The following DNAAF5 variants were observed in gnomAD, a reference collection of about 807,000 sequenced individuals.
DNAAF5 encodes the protein dynein axonemal assembly factor 5.
A neutral mutation model predicts 75.8 loss-of-function variants in DNAAF5; 64 were observed. The observed-to-expected ratio is 0.84, with a 90% CI of 0.69 to 1.04. The LOEUF (loss-of-function observed/expected upper bound fraction) is 1.04. Ranked by LOEUF, DNAAF5 falls within the 50% of genes least tolerant of loss-of-function variation. The pLI is 0.00. For synonymous variants in DNAAF5, 657 were observed against 557.2 expected, an observed-to-expected ratio of 1.18 and a Z score of -2.52; for missense variants, 1,269 against 1,178.5, an observed-to-expected ratio of 1.08 and a Z score of -1.12.
chr7:749,845 C>T (rs566988990), intron 4 of DNAAF5, among the ~76,000 whole-genome samples: 103 of 152,160 alleles, frequency 6.8e-4, no homozygotes, highest in South Asian at 2.1e-3. Flanking sequence ...ATTACAGACG[C>T]GCACCACCGC....
At chr7:766,050 A>T (rs936314284) in intron 8 of DNAAF5, among the ~76,000 whole-genome samples, 2 of 152,132 alleles carry the variant, frequency 1.3e-5, no homozygotes, top group African/African-American at 4.8e-5. Flanking sequence ...GCTGACCTCA[A>T]ACTCCTAGGC....
intron 8 of DNAAF5, among the ~76,000 whole-genome samples, chr7:766,138 C>A (rs1782813826): frequency 6.6e-6 from 1 of 152,226 alleles, no homozygotes; most frequent in Admixed American, 6.5e-5. Context: ...TTTAAAACTG[C>A]ATTTCCCAAT....
At chr7:782,622 G>A (rs182789922) in intron 12 of DNAAF5, among the ~76,000 whole-genome samples, 2 of 146,916 alleles carry the variant, frequency 1.4e-5, no homozygotes, top group African/African-American at 5.2e-5. Flanking sequence ...TCAGAAACTC[G>A]ATATTCCTGG....
In DNAAF5 at chr7:742,262, G is replaced by A. The variant is rs531596612; in HGVS notation, c.1024+797G>A. ...AAGTAAATAATAGATACGCACTGAC[G>A]AGGACAAAAAGTAGGTGAAGCGCAG... On this transcript the variant is annotated intron_variant, in intron 4 of 12. Coordinates refer to ENST00000297440, the MANE Select transcript of DNAAF5 (RefSeq NM_017802.4). Among the ~76,000 whole-genome samples the A allele has an allele frequency of 2.0e-5, 3 of 152,286 alleles. No homozygotes were observed. The East Asian group carries it at 5.8e-4, about 29-fold the overall frequency.
intron 6 of DNAAF5, among the ~76,000 whole-genome samples, chr7:760,109 C>T (rs931649681): frequency 2.0e-5 from 3 of 150,960 alleles, no homozygotes; most frequent in Non-Finnish European, 4.4e-5. Context: ...CGGGGCCGCG[C>T]GGCTCCTCCA....
chr7:746,722 C>T (rs971150396), intron 4 of DNAAF5, among the ~76,000 whole-genome samples: 9 of 151,564 alleles, frequency 5.9e-5, no homozygotes, highest in Admixed American at 2.6e-4. Flanking sequence ...GATAGCCCTT[C>T]CCCCGGGACC....
At chr7:779,732 G>T (rs560200898) in intron 11 of DNAAF5, among the ~76,000 whole-genome samples, 1 of 152,334 alleles carries the variant, frequency 6.6e-6, no homozygotes, top group Non-Finnish European at 1.5e-5. Context: ...CCGCAGCAGG[G>T]CCTGGGCCGC....
At chr7:775,237 A>G (rs1002425858) in intron 11 of DNAAF5, 75 bp downstream of exon 11, 44 of 1,383,902 alleles carry the variant, frequency 3.2e-5, no homozygotes, top group African/African-American at 4.3e-5. Context: ...GTTTGCATCC[A>G]TGGAGTCACC....
chr7:764,946 A>G (rs911031461), intron 8 of DNAAF5, among the ~76,000 whole-genome samples: 1 of 152,050 alleles, frequency 6.6e-6, no homozygotes. Flanking sequence ...CTCTGAATCT[A>G]AAATTTAAAA....
At chr7:766,457 A>G (rs1782824377) in intron 8 of DNAAF5, among the ~76,000 whole-genome samples, 1 of 152,242 alleles carries the variant, frequency 6.6e-6, no homozygotes, top group Admixed American at 6.5e-5. Context: ...ACATACAGAA[A>G]GGGATAATTT....
intron 3 of DNAAF5, among the ~76,000 whole-genome samples, 196 bp downstream of exon 3, chr7:741,139 A>G (rs1781895273): frequency 6.6e-6 from 1 of 152,216 alleles, no homozygotes; most frequent in Non-Finnish European, 1.5e-5. Context: ...GACTGAGTAT[A>G]TCGACAGAGA....
intron 8 of DNAAF5, among the ~76,000 whole-genome samples, chr7:769,597 G>T (rs959377553): frequency 6.6e-6 from 1 of 152,170 alleles, no homozygotes; most frequent in Non-Finnish European, 1.5e-5. Flanking sequence ...TTTGGTCGTT[G>T]TTTCAACTAT....
At chr7:734,146 C>T (rs1157822034) in intron 2 of DNAAF5, among the ~76,000 whole-genome samples, 1 of 152,190 alleles carries the variant, frequency 6.6e-6, no homozygotes, top group Non-Finnish European at 1.5e-5. Flanking sequence ...TGTTAACTAA[C>T]AGTGGTGAAA....
At chr7:777,203 C>T (rs1778790620) in intron 11 of DNAAF5, among the ~76,000 whole-genome samples, 1 of 152,140 alleles carries the variant, frequency 6.6e-6, no homozygotes, top group Non-Finnish European at 1.5e-5. Flanking sequence ...GTGACTCATC[C>T]TGAAACCATC....
Position 763,855 on chromosome 7 carries a change from G to T in DNAAF5, c.1664G>T (p.Cys555Phe), listed in dbSNP as rs1197499424. 3 of 1,613,416 alleles carry T rather than the reference G, an allele frequency of 1.9e-6. No individual in the cohort carries two copies. Among genetic ancestry groups the T allele is most frequent in the Admixed American group, 1.7e-5 (1 of 60,032 alleles). The change falls in exon 8 of 13, where the codon TGC becomes TTC. Residue 555 changes from cysteine (C) to phenylalanine (F), a missense_variant. Cys to Phe is a radical substitution (Grantham distance 205). Coordinates refer to ENST00000297440, the MANE Select transcript of DNAAF5 (RefSeq NM_017802.4). Reference protein sequence around the residue: ...SLAMVEGVSSCQDLYRKHIGP... With the variant: ...SLAMVEGVSSFQDLYRKHIGP... ...GCCATGGTGGAGGGTGTCAGCAGCT[G>T]CCAGGACCTCTACCGCAAGCACATT... is the stretch of plus-strand genomic sequence containing the variant.
Position 726,871 on chromosome 7 carries a change from G to GAGGCCCTGCGGCGCGCGCTGGAGGAGCC in DNAAF5, c.161_188dup (p.Asp65ArgfsTer84). On this transcript the variant is annotated frameshift_variant, in exon 1 of 13. Transcript: ENST00000297440. LOFTEE classifies it high-confidence loss of function. The stretch of plus-strand genomic sequence containing the variant: ...CAAGCCGGGCCGGCGGCGCGCCTTG[G>GAGGCCCTGCGGCGCGCGCTGGAGGAGCC]AGGCCCTGCGGCGCGCGCTGGAGGA... 1 of 1,320,824 alleles carries GAGGCCCTGCGGCGCGCGCTGGAGGAGCC rather than the reference G, an allele frequency of 7.6e-7. No individual in the cohort carries two copies. Among genetic ancestry groups the GAGGCCCTGCGGCGCGCGCTGGAGGAGCC allele is most frequent in the Non-Finnish European group, 9.6e-7 (1 of 1,037,840 alleles). The allele number at this position is 1,320,824 out of a possible 1,614,324, so 81.8% of individuals were successfully genotyped here.
intron 1 of DNAAF5, among the ~76,000 whole-genome samples, chr7:729,311 T>C (rs541357370): frequency 6.6e-6 from 1 of 152,342 alleles, no homozygotes; most frequent in Non-Finnish European, 1.5e-5. Flanking sequence ...TTCTTTCCTC[T>C]GGCCAGTGTC....
At chr7:758,961 G>A (rs1414751717) in intron 6 of DNAAF5, among the ~76,000 whole-genome samples, 1 of 152,130 alleles carries the variant, frequency 6.6e-6, no homozygotes, top group Non-Finnish European at 1.5e-5. Context: ...GGGATTACAG[G>A]TGTGAGCCAC....
At chr7:746,006 T>C (rs1782091132) in intron 4 of DNAAF5, among the ~76,000 whole-genome samples, 1 of 152,026 alleles carries the variant, frequency 6.6e-6, no homozygotes, top group South Asian at 2.1e-4. Flanking sequence ...TGAATGACAG[T>C]CAGTCAGTCG....
Sources: allele counts gnomAD v4.1 joint callset (sites outside exome capture counted in the v4.1 genomes callset), GRCh38; gene constraint gnomAD v4.1.1; transcripts MANE v1.5; gene names NCBI Gene and HGNC (gene_info 2026-07-23, HGNC 2026-07-21).